The following MACROD2 variants were observed in gnomAD, a reference collection of about 807,000 sequenced individuals.
The protein encoded by MACROD2 is ADP-ribose glycohydrolase MACROD2.
A neutral mutation model predicts 70.4 loss-of-function variants in MACROD2; 36 were observed. That is an observed-to-expected ratio of 0.51 (90% confidence interval 0.39 to 0.68). The LOEUF is 0.68. Among genes scored for constraint, MACROD2 ranks in the 30% least tolerant of loss-of-function variants. MACROD2 has a pLI of 0.00. For missense variants in MACROD2, 496 were observed against 538.4 expected (o/e 0.92, Z 0.78); for synonymous variants, 172 against 178.8 (o/e 0.96, Z 0.30).
chr20:14,080,507 C>T (rs2053977500), intron 2 of MACROD2, among the ~76,000 whole-genome samples: 1 of 136,856 alleles, frequency 7.3e-6, no homozygotes, highest in Non-Finnish European at 1.6e-5. Context: ...GTAAAACAAA[C>T]TCAAAAAGGC....
chr20:15,601,964 G>A (rs2048827310), intron 8 of MACROD2, among the ~76,000 whole-genome samples: 1 of 152,000 alleles, frequency 6.6e-6, no homozygotes, highest in African/African-American at 2.4e-5. Context: ...GGAGGTGGAG[G>A]TTCCAGTGAG....
At chr20:15,084,625 G>A (rs1042519094) in intron 5 of MACROD2, among the ~76,000 whole-genome samples, 3 of 152,110 alleles carry the variant, frequency 2.0e-5, no homozygotes, top group Non-Finnish European at 4.4e-5. Flanking sequence ...GGAGATTAGA[G>A]GTTACTATGA....
At chr20:15,272,534 A>G (rs1197241481) in intron 6 of MACROD2, among the ~76,000 whole-genome samples, 2 of 152,226 alleles carry the variant, frequency 1.3e-5, no homozygotes, top group Non-Finnish European at 2.9e-5. Context: ...TGCTATTTAT[A>G]ATAGTCAACT....
chr20:14,282,901 A>T (rs2082317453), intron 3 of MACROD2, among the ~76,000 whole-genome samples: 1 of 152,192 alleles, frequency 6.6e-6, no homozygotes, highest in Non-Finnish European at 1.5e-5. Context: ...CACCTCTAAC[A>T]CTGGGCATTA....
intron 4 of MACROD2, among the ~76,000 whole-genome samples, chr20:14,533,277 C>T (rs1157363545): frequency 6.6e-6 from 1 of 152,190 alleles, no homozygotes; most frequent in Non-Finnish European, 1.5e-5. Flanking sequence ...ACACCTGCTG[C>T]TCGGCTCATG....
intron 5 of MACROD2, among the ~76,000 whole-genome samples, chr20:14,975,942 C>G (rs114634344): frequency 6.6e-6 from 1 of 152,118 alleles, no homozygotes; most frequent in East Asian, 1.9e-4. Flanking sequence ...TTACAGTTCC[C>G]GGCTTTCAAC....
chr20:14,044,350 A>G (rs1569131589), intron 2 of MACROD2, among the ~76,000 whole-genome samples: 1 of 152,114 alleles, frequency 6.6e-6, no homozygotes, highest in East Asian at 1.9e-4. Flanking sequence ...TGTGGACCCA[A>G]AGAGAGAGCA....
chr20:14,892,745 C>T (rs961715715), intron 5 of MACROD2: 5 of 152,198 alleles, frequency 3.3e-5, no homozygotes, highest in African/African-American at 1.2e-4. Context: ...ATGGCATAAT[C>T]TCAGCTCACT....
chr20:14,270,587 CA>C (rs11480264), intron 3 of MACROD2, among the ~76,000 whole-genome samples: 2,240 of 124,748 alleles, frequency 0.018, 21 homozygotes, highest in African/African-American at 0.033. Context: ...GACTCCATCT[CA>C]AAAAAAAAAA....
At chr20:14,658,180 AGTT>A (rs1043642371) in intron 4 of MACROD2, among the ~76,000 whole-genome samples, 29 of 152,290 alleles carry the variant, frequency 1.9e-4, no homozygotes, top group African/African-American at 6.0e-4. Context: ...ATTTAAAATT[AGTT>A]GTTTAATTAT....
At chr20:15,607,317 A>G (rs1032086633) in intron 8 of MACROD2, among the ~76,000 whole-genome samples, 37 of 152,208 alleles carry the variant, frequency 2.4e-4, no homozygotes, top group Non-Finnish European at 5.1e-4. Context: ...CATGAGAAAC[A>G]TTGTTAATTG....
At chr20:15,129,205 A>G (rs1276090201) in intron 5 of MACROD2, among the ~76,000 whole-genome samples, 1 of 152,064 alleles carries the variant, frequency 6.6e-6, no homozygotes, top group East Asian at 1.9e-4. Context: ...TCTGTATTTA[A>G]TATATGGATT....
intron 3 of MACROD2, among the ~76,000 whole-genome samples, chr20:14,415,855 G>T (rs2083798134): frequency 6.6e-6 from 1 of 152,052 alleles, no homozygotes; most frequent in African/African-American, 2.4e-5. Flanking sequence ...AATACTCAAA[G>T]TCCAGCTGCA....
intron 4 of MACROD2, chr20:14,626,808 C>T (rs1490805004): frequency 6.6e-6 from 1 of 152,198 alleles, no homozygotes; most frequent in Non-Finnish European, 1.5e-5. Flanking sequence ...TTAGTACCCC[C>T]TATTCAAACG....
intron 5 of MACROD2, among the ~76,000 whole-genome samples, chr20:15,000,859 G>A (rs947596106): frequency 3.3e-5 from 5 of 152,038 alleles, no homozygotes; most frequent in African/African-American, 4.8e-5. Context: ...AAAAGCTTGT[G>A]ATATTTTAAT....
At chr20:14,545,349 C>T (rs943967605) in intron 4 of MACROD2, among the ~76,000 whole-genome samples, 9 of 152,110 alleles carry the variant, frequency 5.9e-5, no homozygotes, top group Non-Finnish European at 2.9e-5. Context: ...GAACTCACTT[C>T]CTAAAGCTGT....
intron 7 of MACROD2, among the ~76,000 whole-genome samples, chr20:15,474,627 A>G (rs998349514): frequency 5.3e-5 from 8 of 152,260 alleles, no homozygotes; most frequent in African/African-American, 1.9e-4. Context: ...GGTGCCTGCC[A>G]GCATACACAG....
At chr20:14,996,828 G>A (rs971739109) in intron 5 of MACROD2, among the ~76,000 whole-genome samples, 4 of 152,072 alleles carry the variant, frequency 2.6e-5, no homozygotes, top group African/African-American at 4.8e-5. Context: ...AAGGGGAACC[G>A]TCCACACCAG....
chr20:15,368,099 A>G (rs2146257303), intron 6 of MACROD2, among the ~76,000 whole-genome samples: 1 of 152,276 alleles, frequency 6.6e-6, no homozygotes, highest in Non-Finnish European at 1.5e-5. Flanking sequence ...TGTCATATGG[A>G]AAAGAAAAAG....
Sources: allele counts gnomAD v4.1 joint callset (sites outside exome capture counted in the v4.1 genomes callset), GRCh38; gene constraint gnomAD v4.1.1; transcripts MANE v1.5; gene names NCBI Gene and HGNC (gene_info 2026-07-23, HGNC 2026-07-21).